The following RALGPS1 variants were observed in gnomAD, a reference collection of about 807,000 sequenced individuals.
RALGPS1 encodes ras-specific guanine nucleotide-releasing factor RalGPS1.
RALGPS1 carries 19 observed loss-of-function variants against 78.8 expected under a neutral mutation model. That is an observed-to-expected ratio of 0.24 (90% CI 0.17 to 0.35). The LOEUF (loss-of-function observed/expected upper bound fraction) is 0.35. Ranked by LOEUF, RALGPS1 falls within the 10% of genes least tolerant of loss-of-function variation. The probability of loss-of-function intolerance (pLI) is 1.00; values close to 1 mark genes in which losing one functional copy is unlikely to be tolerated. For missense variants in RALGPS1, 454 were observed against 688.3 expected, an observed-to-expected ratio of 0.66 and a Z score of 3.81; for synonymous variants, 228 against 256.3, an observed-to-expected ratio of 0.89 and a Z score of 1.06.
chr9:127,210,880 A>G, intron 14 of RALGPS1: 1 of 1,029,772 alleles, frequency 9.7e-7, no homozygotes. Context: ...AAACAGACAC[A>G]GCCTTTGCCT....
At chr9:127,030,362 A>C (rs2046322463) in intron 4 of RALGPS1, among the ~76,000 whole-genome samples, 2 of 152,182 alleles carry the variant, frequency 1.3e-5, no homozygotes, top group Non-Finnish European at 2.9e-5. Flanking sequence ...GCAGCCGGAA[A>C]ATAAGACTAA....
intron 8 of RALGPS1, among the ~76,000 whole-genome samples, chr9:127,136,376 A>G (rs1029620904): frequency 3.9e-5 from 6 of 152,192 alleles, no homozygotes; most frequent in Non-Finnish European, 8.8e-5. Context: ...AGAAAGCAGG[A>G]GCTGAGCCAG....
chr9:127,045,999 A>G (rs2047737199), intron 5 of RALGPS1, among the ~76,000 whole-genome samples: 1 of 152,252 alleles, frequency 6.6e-6, no homozygotes, highest in Non-Finnish European at 1.5e-5. Context: ...TTGTATTGCC[A>G]GAAGGTAAGG....
At chr9:126,922,489 T>C (rs192452076) in intron 1 of RALGPS1, among the ~76,000 whole-genome samples, 437 of 152,354 alleles carry the variant, frequency 2.9e-3, no homozygotes, top group Admixed American at 4.8e-3. Flanking sequence ...TAAATATTTA[T>C]GGAAAACAAG....
rs560491428 is a variant in RALGPS1, at chr9:127,019,899, C to T, written c.217-14532C>T. ...GAGGGCTGTTGGTTTGAGACAGATA[C>T]TACTAAGCTTCTAAGTTGTTTTTCT... On this transcript the variant is annotated intron_variant, in intron 4 of 18. Coordinates refer to ENST00000259351, the MANE Select transcript of RALGPS1 (RefSeq NM_014636.3). Among the ~76,000 whole-genome samples, 19 of 152,242 alleles carry T rather than the reference C, an allele frequency of 1.2e-4. No homozygotes were observed. In the East Asian group the frequency reaches 3.5e-3, roughly 28 times the overall value.
At chr9:127,127,338 A>G (rs1020349101) in intron 8 of RALGPS1, among the ~76,000 whole-genome samples, 1 of 152,104 alleles carries the variant, frequency 6.6e-6, no homozygotes, top group African/African-American at 2.4e-5. Flanking sequence ...AGAGTTTGTA[A>G]TTGTTATTGA....
intron 8 of RALGPS1, among the ~76,000 whole-genome samples, chr9:127,134,551 C>T (rs2057261122): frequency 6.6e-6 from 1 of 152,204 alleles, no homozygotes; most frequent in African/African-American, 2.4e-5. Context: ...TCCTGTCCAT[C>T]ATGCCTCACC....
intron 3 of RALGPS1, among the ~76,000 whole-genome samples, chr9:126,973,303 A>T (rs1430596549): frequency 6.6e-6 from 1 of 152,156 alleles, no homozygotes; most frequent in African/African-American, 2.4e-5. Flanking sequence ...CAGAATTTTG[A>T]GGTTAGCTCA....
intron 11 of RALGPS1, among the ~76,000 whole-genome samples, chr9:127,178,948 C>A (rs577114540): frequency 5.1e-4 from 78 of 152,362 alleles, no homozygotes; most frequent in African/African-American, 1.7e-3. Context: ...ACTGAAAGCT[C>A]CTTGAGGAAG....
At chr9:126,939,861 C>T (rs2036594907) in intron 1 of RALGPS1, among the ~76,000 whole-genome samples, 1 of 152,214 alleles carries the variant, frequency 6.6e-6, no homozygotes, top group Admixed American at 6.5e-5. Flanking sequence ...GGCCATGGAC[C>T]CAGGCTGGAG....
chr9:127,102,999 G>A (rs1404822358), intron 8 of RALGPS1, among the ~76,000 whole-genome samples: 2 of 152,142 alleles, frequency 1.3e-5, no homozygotes, highest in Non-Finnish European at 2.9e-5. Flanking sequence ...ACCCTCACTC[G>A]CCACCATCAC....
rs1317689691 is a variant in RALGPS1 at position 127,069,275 on chromosome 9, C to T, written c.529C>T (p.Leu177=). ...GACTACCTTTGAGAAATTGGACTAC[C>T]TGATGTCGAAAGAAGATAATTACAA... is the stretch of plus-strand genomic sequence containing the variant. The part of the protein sequence containing the change: ...DKTTFEKLDY[L]MSKEDNYKRT... The change falls in exon 8 of 19, where the codon CTG becomes TTG. Residue 177 remains leucine (L), a synonymous_variant. Coordinates refer to ENST00000259351, the MANE Select transcript of RALGPS1 (RefSeq NM_014636.3). 6.2e-7 allele frequency: 1 copy of T among 1,612,862 alleles called. No individual in the cohort carries two copies. The highest frequency in any genetic ancestry group is 1.1e-5 in the South Asian group (1 of 91,064).
intron 1 of RALGPS1, among the ~76,000 whole-genome samples, chr9:126,939,418 C>T (rs1295696839): frequency 6.6e-6 from 1 of 152,150 alleles, no homozygotes; most frequent in African/African-American, 2.4e-5. Context: ...AACATGTATC[C>T]CATGCCAGGC....
intron 1 of RALGPS1, among the ~76,000 whole-genome samples, chr9:126,933,484 G>T (rs1483651058): frequency 6.6e-6 from 1 of 152,218 alleles, no homozygotes; most frequent in African/African-American, 2.4e-5. Flanking sequence ...GAGCGGCAGA[G>T]ACTGAGGTTG....
At chr9:126,982,111 A>G (rs1414962204) in intron 4 of RALGPS1, among the ~76,000 whole-genome samples, 1 of 152,254 alleles carries the variant, frequency 6.6e-6, no homozygotes, top group Admixed American at 6.5e-5. Context: ...GACAGAAGCC[A>G]GCAAGGACTT....
At chr9:126,933,361 C>G (rs943036370) in intron 1 of RALGPS1, among the ~76,000 whole-genome samples, 7 of 152,134 alleles carry the variant, frequency 4.6e-5, no homozygotes, top group African/African-American at 1.2e-4. Flanking sequence ...CAGTGTGACC[C>G]CAGTCTTCGG....
chr9:126,930,082 C>T (rs1257138441), intron 1 of RALGPS1, among the ~76,000 whole-genome samples: 1 of 152,024 alleles, frequency 6.6e-6, no homozygotes, highest in East Asian at 1.9e-4. Context: ...TTCTCTGCCT[C>T]AGCCTTCTGA....
rs78030024 is a variant in RALGPS1, at chr9:127,106,282, A to T, written c.610+36926A>T. Among the ~76,000 whole-genome samples the T allele has an allele frequency of 6.2e-3, 950 of 152,310 alleles. 7 individuals are homozygous for T. The highest frequency in any genetic ancestry group is 0.022 in the African/African-American group (908 of 41,564). ...GCACGTTTTACCCTCTCGGTATTCT[A>T]TCAAGACAAATTAACACACCCTGCC... On this transcript the variant is annotated intron_variant, in intron 8 of 18. Coordinates refer to ENST00000259351, the MANE Select transcript of RALGPS1 (RefSeq NM_014636.3).
Position 126,957,118 on chromosome 9 carries a change from C to T in RALGPS1, c.-65-5107C>T, listed in dbSNP as rs62578941. Among the ~76,000 whole-genome samples the T allele has an allele frequency of 3.8e-3, 572 of 152,322 alleles. 1 individual carries two copies. The highest frequency in any genetic ancestry group is 6.3e-3 in the Non-Finnish European group (428 of 68,030). On this transcript the variant is annotated intron_variant, in intron 1 of 18. Coordinates refer to ENST00000259351, the MANE Select transcript of RALGPS1 (RefSeq NM_014636.3). ...ATGAGCTAATCATGTGATGCTTAGCCGGGTGCCTTGCACAGCACCTGCACT... is the reference window on the plus strand; with the variant it reads ...ATGAGCTAATCATGTGATGCTTAGCTGGGTGCCTTGCACAGCACCTGCACT...
Sources: allele counts gnomAD v4.1 joint callset (sites outside exome capture counted in the v4.1 genomes callset), GRCh38; gene constraint gnomAD v4.1.1; transcripts MANE v1.5; gene names NCBI Gene and HGNC (gene_info 2026-07-23, HGNC 2026-07-21).